Variants in MLLT10 observed in about 807,000 individuals in gnomAD.
The protein encoded by MLLT10 is MLLT10 histone lysine methyltransferase DOT1L cofactor, also known as protein AF-10.
MLLT10 carries 30 observed loss-of-function variants against 129.1 expected under a neutral mutation model. The observed-to-expected ratio is 0.23, with a 90% CI of 0.17 to 0.32. MLLT10 has a LOEUF of 0.32. Ranked by LOEUF, MLLT10 falls within the 10% of genes least tolerant of loss-of-function variation. The pLI, the probability that MLLT10 is intolerant of heterozygous loss-of-function variation, is 1.00. For missense variants in MLLT10, 1,119 were observed against 1,268.3 expected, an observed-to-expected ratio of 0.88 and a Z score of 1.79; for synonymous variants, 490 against 446.4, an observed-to-expected ratio of 1.10 and a Z score of -1.23.
chr10:21,555,065 C>A (rs2037710905), intron 3 of MLLT10, among the ~76,000 whole-genome samples: 1 of 152,036 alleles, frequency 6.6e-6, no homozygotes, highest in African/African-American at 2.4e-5. Context: ...AGGTGATCCA[C>A]CCGCCTTGGC....
chr10:21,576,918 ACTGCG>A (rs2040828585), intron 3 of MLLT10, among the ~76,000 whole-genome samples: 1 of 152,226 alleles, frequency 6.6e-6, no homozygotes, highest in Non-Finnish European at 1.5e-5. Context: ...GGCGTGGGCC[ACTGCG>A]CCCGGCCAAT....
chr10:21,704,349 CTCTCTCTCTATATATA>C (rs1265581876), intron 13 of MLLT10, among the ~76,000 whole-genome samples: 186 of 61,842 alleles, frequency 3.0e-3, no homozygotes, highest in Admixed American at 0.011. Flanking sequence ...CTCTCTCTCT[CTCTCTCTCTATATATA>C]TATATATATA....
chr10:21,613,596 G>T (rs538425359), intron 6 of MLLT10, among the ~76,000 whole-genome samples: 1 of 152,154 alleles, frequency 6.6e-6, no homozygotes, highest in African/African-American at 2.4e-5. Context: ...AAACTTCAGC[G>T]TTTTGTGTTT....
In MLLT10 at chr10:21,624,767, G is replaced by A. The variant is rs541596010; in HGVS notation, c.699+7560G>A. On this transcript the variant is annotated intron_variant, in intron 8 of 22. Coordinates refer to ENST00000307729, the MANE Select transcript of MLLT10 (RefSeq NM_001195626.3). ...GGAATCAGGTTGGTTGTAAGCATCT[G>A]CCTTCTCTTGCGTCCTACATTGTCC... 32 of 1,124,252 alleles carry A rather than the reference G, an allele frequency of 2.8e-5. No homozygotes were observed. In the East Asian group the frequency reaches 7.3e-4, roughly 26 times the overall value. 69.6% of individuals were successfully genotyped at this position (1,124,252 alleles called of 1,614,324 possible).
chr10:21,665,540 C>T (rs1465182991), intron 9 of MLLT10, among the ~76,000 whole-genome samples: 4 of 151,332 alleles, frequency 2.6e-5, no homozygotes, highest in Admixed American at 6.6e-5. Flanking sequence ...CACCCTTCTC[C>T]GCCTCCCAAA....
At chr10:21,733,740 A>G in intron 19 of MLLT10, 28 bp from the exon 20 acceptor site, 3 of 1,580,234 alleles carry the variant, frequency 1.9e-6, no homozygotes, top group Non-Finnish European at 2.6e-6. Flanking sequence ...TGTCCAGTGG[A>G]CTTAGTTTCT....
intron 4 of MLLT10, among the ~76,000 whole-genome samples, chr10:21,592,670 A>G (rs567235832): frequency 6.6e-6 from 1 of 152,068 alleles, no homozygotes; most frequent in South Asian, 2.1e-4. Flanking sequence ...GTTAGCCAGG[A>G]TGGTCTTGAT....
chr10:21,588,849 G>A (rs1284344484), intron 4 of MLLT10, among the ~76,000 whole-genome samples: 1 of 148,742 alleles, frequency 6.7e-6, no homozygotes, highest in Non-Finnish European at 1.5e-5. Context: ...TTTGAGACAG[G>A]GTCTCCCTCT....
At chr10:21,534,825 C>G (rs372308737) in intron 2 of MLLT10, 21 bp downstream of exon 2, 20 of 1,562,096 alleles carry the variant, frequency 1.3e-5, no homozygotes, top group Non-Finnish European at 1.7e-5. Flanking sequence ...AACCGCCCGC[C>G]GGGGCGCGCC....
intron 13 of MLLT10, among the ~76,000 whole-genome samples, chr10:21,700,107 TC>T (rs1589709515): frequency 6.7e-6 from 1 of 148,916 alleles, no homozygotes. Context: ...TTAAATGTAT[TC>T]TTTTTTTTTT....
At position 21,742,008 on chromosome 10, in the gene MLLT10, C is replaced by T. The variant is rs765753753; in HGVS notation, c.*25C>T. 3 of 1,610,012 alleles carry T rather than the reference C, an allele frequency of 1.9e-6. No homozygotes were observed. The Admixed American group carries it at 5.0e-5, about 27-fold the overall frequency. ...ACACCTGAGAAACATCTAGAAATTG[C>T]CTATCCTGCTGTTCTAGCACTTCAT... On this transcript the variant is annotated 3_prime_UTR_variant, in exon 23 of 23. Coordinates refer to ENST00000307729, the MANE Select transcript of MLLT10 (RefSeq NM_001195626.3).
chr10:21,711,972 CTTT>C (rs752159050), intron 13 of MLLT10, among the ~76,000 whole-genome samples: 20 of 152,090 alleles, frequency 1.3e-4, no homozygotes, highest in Non-Finnish European at 1.5e-4. Context: ...TCTTGAATGG[CTTT>C]TTATCTCCAG....
At chr10:21,595,244 A>G (rs527536934) in intron 4 of MLLT10, 87 bp from the exon 5 acceptor site, 48 of 863,424 alleles carry the variant, frequency 5.6e-5, no homozygotes, top group Non-Finnish European at 7.7e-5. Flanking sequence ...ATTTCAATAG[A>G]CATTTAAGGG....
At chr10:21,684,395 G>A (rs756081681) in intron 13 of MLLT10, among the ~76,000 whole-genome samples, 10 of 151,962 alleles carry the variant, frequency 6.6e-5, no homozygotes, top group South Asian at 2.1e-4. Context: ...CTTATATTTC[G>A]AAAAACCTAA....
chr10:21,534,306 G>GCCCCCCCCCCC lies in MLLT10; in HGVS notation c.-208_-207insCCCCCCCCCCC. 11 of 328,322 alleles carry GCCCCCCCCCCC rather than the reference G, an allele frequency of 3.4e-5. No homozygotes were observed. The highest frequency in any genetic ancestry group is 1.3e-4 in the South Asian group (1 of 7,690). 20.3% of individuals were successfully genotyped at this position (328,322 alleles called of 1,614,324 possible). On this transcript the variant is annotated 5_prime_UTR_variant, in exon 1 of 23. Transcript: ENST00000307729. The stretch of plus-strand genomic sequence containing the variant: ...CCTCGCTGCCCCTGGCCCAGCGGGA[G>GCCCCCCCCCCC]CCCCCCCTCCCCCCAGTGCGCCTGT...
At chr10:21,570,262 G>A (rs949688826) in intron 3 of MLLT10, among the ~76,000 whole-genome samples, 3 of 150,624 alleles carry the variant, frequency 2.0e-5, no homozygotes, top group Non-Finnish European at 4.4e-5. Flanking sequence ...GTTTAGAGAT[G>A]GGGTTCTGCA....
chr10:21,579,560 A>G (rs1156916133), intron 3 of MLLT10, among the ~76,000 whole-genome samples: 1 of 144,218 alleles, frequency 6.9e-6, no homozygotes, highest in African/African-American at 2.6e-5. Flanking sequence ...CTTTCAGATT[A>G]GATTCTTTTT....
At chr10:21,575,714 C>A (rs2040662482) in intron 3 of MLLT10, among the ~76,000 whole-genome samples, 1 of 152,106 alleles carries the variant, frequency 6.6e-6, no homozygotes, top group African/African-American at 2.4e-5. Context: ...TTGTCAGTCA[C>A]AAAGAGGAGT....
intron 8 of MLLT10, among the ~76,000 whole-genome samples, chr10:21,641,735 C>A (rs1359756017): frequency 3.3e-5 from 5 of 152,126 alleles, no homozygotes. Flanking sequence ...CAAAAGCAAA[C>A]AAGACGTTGA....
Sources: gnomAD v4.1 joint callset for allele counts (sites outside exome capture counted in the v4.1 genomes callset) on GRCh38, gnomAD v4.1.1 for gene constraint, MANE v1.5 for transcripts, NCBI Gene and HGNC (gene_info 2026-07-23, HGNC 2026-07-21) for gene names.